DGKI: variants seen among roughly 807,000 people sequenced by gnomAD.
The protein encoded by DGKI is DAG kinase iota.
In DGKI, 55 loss-of-function variants were observed where a neutral mutation model predicts 147.5. The ratio of observed to expected loss-of-function variants is 0.37; its 90% confidence interval spans 0.30 to 0.47. The LOEUF (loss-of-function observed/expected upper bound fraction) is 0.47. Ranked by LOEUF, DGKI falls within the 20% of genes least tolerant of loss-of-function variation. The probability of loss-of-function intolerance (pLI) is 1.00; values close to 1 mark genes in which losing one functional copy is unlikely to be tolerated. For synonymous variants in DGKI, 469 were observed against 477.1 expected (o/e 0.98, Z 0.22); for missense variants, 1,007 against 1,323.8 (o/e 0.76, Z 3.71).
chr7:137,618,144 TA>T (rs1198107439), intron 8 of DGKI, among the ~76,000 whole-genome samples: 165 of 14,294 alleles, frequency 0.012, 22 homozygotes, highest in Admixed American at 0.024. Context: ...TATATATATA[TA>T]TATATATTTT....
chr7:137,482,200 T>G (rs1203729139), intron 23 of DGKI, among the ~76,000 whole-genome samples: 1 of 152,054 alleles, frequency 6.6e-6, no homozygotes, highest in Non-Finnish European at 1.5e-5. Flanking sequence ...AGCCTCTCAA[T>G]GGCATTTGAC....
In DGKI at chr7:137,507,133, T is replaced by C. The variant is rs578125721; in HGVS notation, c.2248+14733A>G. Among the ~76,000 whole-genome samples, 233 of 152,320 alleles carry C rather than the reference T, an allele frequency of 1.5e-3. 1 individual carries two copies. The highest frequency in any genetic ancestry group is 2.5e-3 in the Non-Finnish European group (169 of 68,014). Reference sequence around the variant, plus strand: ...CAATGGGGAGCAACGAATGGGCATATTAGCATTCAAAAGGAAACATAACAT... The same window carrying C: ...CAATGGGGAGCAACGAATGGGCATACTAGCATTCAAAAGGAAACATAACAT... On this transcript the variant is annotated intron_variant, in intron 21 of 32. Coordinates refer to ENST00000614521, the MANE Select transcript of DGKI (RefSeq NM_001321708.2).
intron 27 of DGKI, 76 bp from the exon 28 acceptor site, chr7:137,444,178 T>C: frequency 1.1e-6 from 1 of 911,736 alleles, no homozygotes; most frequent in Non-Finnish European, 1.6e-6. Flanking sequence ...TTCATAGTAA[T>C]TTTACCCTCA....
At chr7:137,534,975 T>C (rs1053230374) in intron 20 of DGKI, among the ~76,000 whole-genome samples, 1 of 152,088 alleles carries the variant, frequency 6.6e-6, no homozygotes, top group Non-Finnish European at 1.5e-5. Context: ...GGGAAGACCA[T>C]ATGAAGACAT....
intron 26 of DGKI, 57 bp downstream of exon 26, chr7:137,465,851 A>G (rs1814633063): frequency 1.3e-6 from 2 of 1,571,714 alleles, no homozygotes; most frequent in Admixed American, 2.0e-5. Flanking sequence ...TCAAAGGCGA[A>G]CCAGACATGG....
chr7:137,500,961 T>G (rs1476601144), intron 21 of DGKI, among the ~76,000 whole-genome samples: 1 of 152,086 alleles, frequency 6.6e-6, no homozygotes, highest in Non-Finnish European at 1.5e-5. Flanking sequence ...ACCATAAAGG[T>G]TATTTATTCT....
chr7:137,758,684 T>G (rs1795761716), intron 1 of DGKI, among the ~76,000 whole-genome samples: 1 of 151,600 alleles, frequency 6.6e-6, no homozygotes, highest in African/African-American at 2.4e-5. Flanking sequence ...AGACTCCGTC[T>G]CAAAAATAAT....
chr7:137,828,484 T>A lies in DGKI; in HGVS notation c.401+17978A>T, dbSNP rs188774896. On this transcript the variant is annotated intron_variant, in intron 1 of 32. Transcript: ENST00000614521. The stretch of plus-strand genomic sequence containing the variant: ...AATACCAAGACTTGAAAGAAAGCAC[T>A]CAGTGCGTGGAAGAGCCTCAGAGAC... 7.2e-5 allele frequency among the ~76,000 whole-genome samples: 11 copies of A among 152,336 alleles called. No homozygotes were observed. In the East Asian group the frequency reaches 2.1e-3, roughly 29 times the overall value.
intron 1 of DGKI, among the ~76,000 whole-genome samples, chr7:137,739,254 T>C (rs185175224): frequency 6.6e-6 from 1 of 152,304 alleles, no homozygotes; most frequent in East Asian, 1.9e-4. Flanking sequence ...TGTTTTCTCC[T>C]ACGGCACATT....
At chr7:137,414,257 C>A (rs556925052) in intron 28 of DGKI, among the ~76,000 whole-genome samples, 119 of 152,028 alleles carry the variant, frequency 7.8e-4, no homozygotes, top group African/African-American at 2.8e-3. Flanking sequence ...AACGCTGAAG[C>A]CTTGGAAATT....
intron 1 of DGKI, among the ~76,000 whole-genome samples, chr7:137,776,923 G>C (rs1000636238): frequency 1.3e-5 from 2 of 152,114 alleles, no homozygotes; most frequent in Admixed American, 1.3e-4. Flanking sequence ...GATAGCTGAT[G>C]CCTATAATCC....
chr7:137,441,265 C>T (rs928250836), intron 28 of DGKI, among the ~76,000 whole-genome samples: 1 of 151,500 alleles, frequency 6.6e-6, no homozygotes, highest in African/African-American at 2.4e-5. Flanking sequence ...CTAAAAAATA[C>T]AAAAAATTAG....
chr7:137,803,904 T>G (rs1487588850), intron 1 of DGKI, among the ~76,000 whole-genome samples: 2 of 152,224 alleles, frequency 1.3e-5, no homozygotes, highest in African/African-American at 4.8e-5. Context: ...CATCTTAGAT[T>G]CGTGAGGTAA....
chr7:137,732,829 A>G (rs1311802412), intron 1 of DGKI, among the ~76,000 whole-genome samples: 1 of 151,858 alleles, frequency 6.6e-6, no homozygotes, highest in Admixed American at 6.6e-5. Context: ...ACACATACAT[A>G]CACACACATG....
intron 23 of DGKI, among the ~76,000 whole-genome samples, chr7:137,470,881 T>C (rs1398016016): frequency 6.6e-6 from 1 of 152,114 alleles, no homozygotes; most frequent in Non-Finnish European, 1.5e-5. Flanking sequence ...TCCAAGAGAT[T>C]GCCAGGACTA....
intron 8 of DGKI, among the ~76,000 whole-genome samples, chr7:137,612,466 A>T (rs1820397349): frequency 6.6e-6 from 1 of 152,110 alleles, no homozygotes; most frequent in Non-Finnish European, 1.5e-5. Context: ...TCAAAATCCC[A>T]TGGCTCCCTT....
chr7:137,500,594 A>AT (rs1816135330), intron 21 of DGKI, among the ~76,000 whole-genome samples: 1 of 152,128 alleles, frequency 6.6e-6, no homozygotes, highest in African/African-American at 2.4e-5. Context: ...TAAAACATAG[A>AT]TTTCACCACA....
Position 137,624,885 on chromosome 7 carries a change from C to T in DGKI, c.805-1331G>A, listed in dbSNP as rs375815372. On this transcript the variant is annotated intron_variant, in intron 6 of 32. Transcript: ENST00000614521. Reference sequence around the variant, plus strand: ...CCTCCCAAAGTGCTAGGATTATAGGCGTGAGCCATCTCGCCCGGCCTTCTC... The same window carrying T: ...CCTCCCAAAGTGCTAGGATTATAGGTGTGAGCCATCTCGCCCGGCCTTCTC... Among the ~76,000 whole-genome samples the T allele has an allele frequency of 7.2e-5, 11 of 151,842 alleles. No individual in the cohort carries two copies. The South Asian group carries it at 1.9e-3, about 26-fold the overall frequency.
intron 1 of DGKI, among the ~76,000 whole-genome samples, chr7:137,705,560 T>A (rs996522551): frequency 6.6e-6 from 1 of 152,104 alleles, no homozygotes; most frequent in African/African-American, 2.4e-5. Flanking sequence ...CAGTGGTTGC[T>A]GAGTGGAGGG....
Sources: allele counts gnomAD v4.1 joint callset (sites outside exome capture counted in the v4.1 genomes callset), GRCh38; gene constraint gnomAD v4.1.1; transcripts MANE v1.5; gene names NCBI Gene and HGNC (gene_info 2026-07-23, HGNC 2026-07-21).